The following RNF213 variants were observed in gnomAD, a reference collection of about 807,000 sequenced individuals.
The protein encoded by RNF213 is ring finger protein 213.
RNF213 carries 341 observed loss-of-function variants against 514.4 expected under a neutral mutation model. The observed-to-expected ratio is 0.66, with a 90% CI of 0.61 to 0.73. The LOEUF is 0.73. Among genes scored for constraint, RNF213 ranks in the 30% least tolerant of loss-of-function variants. RNF213 has a pLI of 0.00. For synonymous variants in RNF213, 2,655 were observed against 2,658.2 expected, an observed-to-expected ratio of 1.00 and a Z score of 0.04; for missense variants, 5,767 against 6,615.6, an observed-to-expected ratio of 0.87 and a Z score of 4.45.
In RNF213 at chr17:80,364,535, C is replaced by A. The variant is rs143959110; in HGVS notation, c.11853C>A (p.His3951Gln). ...VPELQGLVTE[H>Q]VFLLDKCLRE... ...AGTTACAGGGGCTGGTGACCGAGCACGTCTTCTTACTAGACAAGGTGAGTA... is the reference window on the plus strand; with the variant it reads ...AGTTACAGGGGCTGGTGACCGAGCAAGTCTTCTTACTAGACAAGGTGAGTA... The change falls in exon 42 of 68, where the codon CAC becomes CAA. Residue 3951 changes from histidine to glutamine, a missense_variant. Transcript: ENST00000582970. 1.2e-6 allele frequency: 2 copies of A among 1,614,072 alleles called. No homozygotes were observed. Among genetic ancestry groups the A allele is most frequent in the Non-Finnish European group, 1.7e-6 (2 of 1,180,048 alleles).
rs1042616116 is a variant in RNF213 at position 80,295,536 on chromosome 17, T to A, written c.1756-21T>A. The A allele has an allele frequency of 3.1e-6, 5 of 1,613,852 alleles. No homozygotes were observed. The African/African-American group carries it at 6.7e-5, about 22-fold the overall frequency. On this transcript the variant is annotated intron_variant, in intron 9 of 67. Transcript: ENST00000582970. ...AATTCAAGTCCATGGTTCATGCATC[T>A]TCCTCTTCTCCCACCATCAGGTGAA...
Position 80,337,672 on chromosome 17 carries a change from G to C in RNF213, c.4614G>C (p.Thr1538=). 6.5e-7 allele frequency: 1 copy of C among 1,537,284 alleles called. No homozygotes were observed. The highest frequency in any genetic ancestry group is 8.7e-7 in the Non-Finnish European group (1 of 1,146,924). Residue 1538 remains threonine, a synonymous_variant, in exon 24 of 68, where the codon ACG becomes ACC. Coordinates refer to ENST00000582970, the MANE Select transcript of RNF213 (RefSeq NM_001256071.3). ...SVERSSLTLA[T]AINQRGIYVI... ...AACGCTCATCCCTGACCCTGGCCAC[G>C]GCCATCAACCAAAGAGGCATCTATG... is the stretch of plus-strand genomic sequence containing the variant.
At chr17:80,319,557 G>A (rs757617499) in intron 17 of RNF213, 79 of 1,605,978 alleles carry the variant, frequency 4.9e-5, no homozygotes, top group Middle Eastern at 2.1e-4. Context: ...ATGGAATCAC[G>A]GCCGTGCGCG....
At chr17:80,305,204 G>GTTTT (rs1365890243) in intron 11 of RNF213, among the ~76,000 whole-genome samples, 2 of 72,164 alleles carry the variant, frequency 2.8e-5, no homozygotes, top group African/African-American at 2.8e-4. Flanking sequence ...TTTTGAGACA[G>GTTTT]TTTTGGTCTC....
chr17:80,327,478 CAAA>C (rs941105944), intron 18 of RNF213, among the ~76,000 whole-genome samples: 1 of 73,352 alleles, frequency 1.4e-5, no homozygotes. Flanking sequence ...GAGACCCTGT[CAAA>C]AAAAAAAAAA....
At chr17:80,361,531 A>G (rs1266311647) in intron 38 of RNF213, among the ~76,000 whole-genome samples, 1 of 152,174 alleles carries the variant, frequency 6.6e-6, no homozygotes, top group Non-Finnish European at 1.5e-5. Flanking sequence ...CTCCAAAAAA[A>G]AGGAAAAAGA....
intron 35 of RNF213, 67 bp from the exon 36 acceptor site, chr17:80,354,374 C>T: frequency 6.2e-7 from 1 of 1,611,688 alleles, no homozygotes; most frequent in African/African-American, 1.3e-5. Flanking sequence ...GGAGGTGGGA[C>T]AGAAGCACTC....
rs752787130 is a variant in RNF213 at position 80,345,526 on chromosome 17, C to T, written c.7191C>T (p.Thr2397=). 15 of 1,612,688 alleles carry T rather than the reference C, an allele frequency of 9.3e-6. No individual in the cohort carries two copies. Among genetic ancestry groups the T allele is most frequent in the African/African-American group, 4.0e-5 (3 of 74,884 alleles). Residue 2397 remains threonine, a synonymous_variant, in exon 29 of 68, where the codon ACC becomes ACT. Coordinates refer to ENST00000582970, the MANE Select transcript of RNF213 (RefSeq NM_001256071.3). The surrounding 1 kb of genome is among the most constrained non-coding windows in gnomAD (Gnocchi z 6.0). ...TDPDKTYELT[T]DNMLKILAIE... ...CCGACAAAACGTATGAGCTCACAAC[C>T]GACAATATGCTTAAAATCCTTGCCA...
chr17:80,286,378 G>T (rs2143187154), intron 3 of RNF213, among the ~76,000 whole-genome samples: 1 of 152,286 alleles, frequency 6.6e-6, no homozygotes, highest in East Asian at 1.9e-4. Context: ...TCTGGCCCTG[G>T]TTCTGGCAGG....
chr17:80,291,519 A>G (rs1329577893), intron 7 of RNF213, 109 bp from the exon 8 acceptor site: 6 of 1,143,866 alleles, frequency 5.2e-6, no homozygotes, highest in Admixed American at 1.7e-5. Flanking sequence ...CACTGAACCC[A>G]GCCTTGCCAC....
chr17:80,356,213 G>C (rs1018658904), intron 36 of RNF213, among the ~76,000 whole-genome samples: 1 of 152,178 alleles, frequency 6.6e-6, no homozygotes, highest in African/African-American at 2.4e-5. Context: ...TGTTGGCCAG[G>C]CTGGTCTCAA....
chr17:80,316,394 A>G (rs573993191), intron 15 of RNF213: 39 of 152,542 alleles, frequency 2.6e-4, no homozygotes, highest in African/African-American at 8.7e-4. Flanking sequence ...GTTGGCCTGA[A>G]CTTTTCAAAA....
intron 16 of RNF213, among the ~76,000 whole-genome samples, chr17:80,318,563 G>A (rs1297464778): frequency 1.3e-5 from 2 of 151,960 alleles, no homozygotes; most frequent in African/African-American, 4.8e-5. Context: ...TGTGATATGA[G>A]AGTTTTATAT....
chr17:80,344,774 A>T lies in RNF213; in HGVS notation c.6439A>T (p.Arg2147Trp), dbSNP rs1286882566. Reference sequence around the variant, plus strand: ...GATAGACATGGAGCTGAGTGCCCTGAGGAGTGACACAGAGCCTGGGATGGA... The same window carrying T: ...GATAGACATGGAGCTGAGTGCCCTGTGGAGTGACACAGAGCCTGGGATGGA... ...EVIDMELSAL[R>W]SDTEPGMDLW... is the part of the protein sequence containing the mutation. The change falls in exon 29 of 68, where the codon AGG becomes TGG. Residue 2147 changes from arginine (R) to tryptophan (W), a missense_variant. Around this residue, in one of 13 missense-constraint regions of RNF213, gnomAD observed 1,377 missense variants for 1,635.2 expected, o/e 0.84. Coordinates refer to ENST00000582970, the MANE Select transcript of RNF213 (RefSeq NM_001256071.3). 6.2e-7 allele frequency: 1 copy of T among 1,614,086 alleles called. No homozygotes were observed. The highest frequency in any genetic ancestry group is 1.3e-5 in the African/African-American group (1 of 74,930).
chr17:80,387,464 C>T (rs1465436382), intron 63 of RNF213, among the ~76,000 whole-genome samples: 1 of 152,206 alleles, frequency 6.6e-6, no homozygotes, highest in Non-Finnish European at 1.5e-5. Flanking sequence ...AGCCCCTCTT[C>T]CTTCAGCCTC....
chr17:80,347,507 A>G lies in RNF213; in HGVS notation c.9172A>G (p.Thr3058Ala). 6.2e-7 allele frequency: 1 copy of G among 1,614,102 alleles called. No homozygotes were observed. Among genetic ancestry groups the G allele is most frequent in the Non-Finnish European group, 8.5e-7 (1 of 1,180,040 alleles). The change falls in exon 29 of 68, where the codon ACA (threonine) becomes GCA (alanine). Residue 3058 changes from threonine to alanine, a missense_variant. Transcript: ENST00000582970. The surrounding 1 kb of genome is among the most constrained non-coding windows in gnomAD (Gnocchi z 7.2). ...CGTGGCACTGCAGATCCTGCAGCAG[A>G]CATTCTTCGAGGGGGACCAGCAGCC... ...NYVALQILQQ[T>A]FFEGDQQPEI...
chr17:80,360,431 A>C, intron 38 of RNF213: 1 of 571,098 alleles, frequency 1.8e-6, no homozygotes, highest in Non-Finnish European at 3.2e-6. Flanking sequence ...TTTCGATCCT[A>C]TGGCAGCAGG....
At chr17:80,325,283 CATG>C in intron 18 of RNF213, 85 bp downstream of exon 18, 18 of 1,309,328 alleles carry the variant, frequency 1.4e-5, no homozygotes, top group Non-Finnish European at 1.8e-5. Flanking sequence ...GAAGATTTGA[CATG>C]ATGATACTGA....
At chr17:80,373,262 C>G in intron 49 of RNF213, 97 bp downstream of exon 49, 4 of 761,084 alleles carry the variant, frequency 5.3e-6, no homozygotes, top group Admixed American at 2.2e-5. Context: ...CTACCCCCCC[C>G]ACACCCCACC....
Sources: allele counts gnomAD v4.1 joint callset (sites outside exome capture counted in the v4.1 genomes callset), GRCh38; gene constraint gnomAD v4.1.1; regional missense constraint gnomAD v4.1.1; non-coding constraint Gnocchi (gnomAD v3.1); transcripts MANE v1.5; gene names NCBI Gene and HGNC (gene_info 2026-07-23, HGNC 2026-07-21).